Variants in CNGB1 observed in about 807,000 individuals in gnomAD.
The protein encoded by CNGB1 is cyclic nucleotide-gated channel beta-1.
A neutral mutation model predicts 151.7 loss-of-function variants in CNGB1; 126 were observed. The observed-to-expected ratio is 0.83, with a 90% CI of 0.72 to 0.96. CNGB1 has a LOEUF of 0.96. CNGB1 is among the 40% of genes least tolerant of loss of function. The probability of loss-of-function intolerance (pLI) is 0.00; values close to 1 mark genes in which losing one functional copy is unlikely to be tolerated. For missense variants in CNGB1, 1,698 were observed against 1,627.0 expected, an observed-to-expected ratio of 1.04 and a Z score of -0.75; for synonymous variants, 623 against 635.1, an observed-to-expected ratio of 0.98 and a Z score of 0.29.
At position 57,911,830 on chromosome 16, in the gene CNGB1, A is replaced by G. The variant is rs781140236; in HGVS notation, c.2415T>C (p.Asn805=). 8.7e-6 allele frequency: 14 copies of G among 1,614,050 alleles called. No homozygotes were observed. The East Asian group carries it at 2.9e-4, about 33-fold the overall frequency. ...CCGATGCCCAGTAATAAAGACAGGA[A>G]TTCAAATGCAGGCTGTAGAGAAGGT... is the stretch of plus-strand genomic sequence containing the variant. ...TAYLLYSLHL[N]SCLYYWASAY... is the part of the protein sequence containing the mutation. Residue 805 remains asparagine, a synonymous_variant, in exon 25 of 33, where the codon AAT becomes AAC. Coordinates refer to ENST00000251102, the MANE Select transcript of CNGB1 (RefSeq NM_001297.5).
chr16:57,947,579 A>G (rs535821593), intron 14 of CNGB1, among the ~76,000 whole-genome samples: 1 of 152,326 alleles, frequency 6.6e-6, no homozygotes, highest in Non-Finnish European at 1.5e-5. Flanking sequence ...GATGACATGG[A>G]CAGCCTTTGA....
Position 57,939,600 on chromosome 16 carries a change from G to T in CNGB1, c.1210-8C>A, listed in dbSNP as rs200729794. 6.2e-7 allele frequency: 1 copy of T among 1,614,126 alleles called. No homozygotes were observed. The highest frequency in any genetic ancestry group is 8.5e-7 in the Non-Finnish European group (1 of 1,180,022). The stretch of plus-strand genomic sequence containing the variant: ...AACTTCCTCCCACAGCTTCTGCAGA[G>T]AATAAAGTGAAAACAGAAACTGTGA... On this transcript the variant is annotated splice_region_variant and splice_polypyrimidine_tract_variant and intron_variant, in intron 15 of 32. Transcript: ENST00000251102.
chr16:57,906,584 C>T (rs1341873875), intron 25 of CNGB1, among the ~76,000 whole-genome samples: 1 of 152,182 alleles, frequency 6.6e-6, no homozygotes, highest in Non-Finnish European at 1.5e-5. Flanking sequence ...GTTTCAGAAC[C>T]CAAAACGGGC....
intron 29 of CNGB1, among the ~76,000 whole-genome samples, 184 bp downstream of exon 29, chr16:57,901,168 C>T (rs560954876): frequency 4.7e-4 from 72 of 152,178 alleles, no homozygotes; most frequent in African/African-American, 1.7e-3. Context: ...GTCGGCAAAG[C>T]CTCCTAATCC....
rs60099371 is a variant in CNGB1 at position 57,903,185 on chromosome 16, CTTTT to C, written c.2794+633_2794+636del. On this transcript the variant is annotated intron_variant, in intron 27 of 32. Transcript: ENST00000251102. Reference sequence around the variant, plus strand: ...AGGAAGGGACAGAAAGTCCTTCTTCCTTTTTTTTTTTTTTTTTTCAATTTAAACT... The same window carrying C: ...AGGAAGGGACAGAAAGTCCTTCTTCCTTTTTTTTTTTTTTCAATTTAAACT... Among the ~76,000 whole-genome samples, 618 of 122,680 alleles carry C rather than the reference CTTTT, an allele frequency of 5.0e-3. 4 individuals carry two copies. The highest frequency in any genetic ancestry group is 8.2e-3 in the Non-Finnish European group (474 of 57,850). 80.5% of individuals were successfully genotyped at this position (122,680 alleles called of 152,430 possible).
chr16:57,942,028 TGTTTGGTTTG>T (rs144771179), intron 14 of CNGB1, among the ~76,000 whole-genome samples: 3 of 151,944 alleles, frequency 2.0e-5, no homozygotes, highest in East Asian at 3.9e-4. Flanking sequence ...TTTTTGTTTT[TGTTTGGTTTG>T]GTTTGGTTTG....
chr16:57,917,407 A>C lies in CNGB1; in HGVS notation c.2027T>G (p.Val676Gly). The change falls in exon 21 of 33, where the codon GTG becomes GGG. Residue 676 changes from valine (V) to glycine (G), a missense_variant. Val to Gly is a moderately radical substitution (Grantham distance 109). Transcript: ENST00000251102. ...AWNWNCWLIPVRWAFPYQTPD... is the reference protein window; with the variant it reads ...AWNWNCWLIPGRWAFPYQTPD... ...GGTCTGGTAGGGGAAGGCCCAGCGC[A>C]CGGGAATCAGCCAACAGTTCCAATT... 6.2e-7 allele frequency: 1 copy of C among 1,614,140 alleles called. No homozygotes were observed. The highest frequency in any genetic ancestry group is 8.5e-7 in the Non-Finnish European group (1 of 1,180,020).
In CNGB1 at chr16:57,964,238, C is replaced by T. The variant is rs775048484; in HGVS notation, c.218-36G>A. 6 of 1,601,384 alleles carry T rather than the reference C, an allele frequency of 3.7e-6. No homozygotes were observed. In the Admixed American group the frequency reaches 1.0e-4, roughly 27 times the overall value. On this transcript the variant is annotated intron_variant, in intron 3 of 32. Transcript: ENST00000251102. The stretch of plus-strand genomic sequence containing the variant: ...ATCTCTCATCCTTCAGATCTAGGGC[C>T]TCAGACAGGCCCATTTCTACCCTGC...
intron 18 of CNGB1, among the ~76,000 whole-genome samples, chr16:57,922,005 C>A (rs1268168226): frequency 6.6e-6 from 1 of 152,142 alleles, no homozygotes; most frequent in Non-Finnish European, 1.5e-5. Flanking sequence ...TCTCATTATA[C>A]CTCATTTCTG....
chr16:57,917,801 T>TAA (rs11284883), intron 20 of CNGB1, among the ~76,000 whole-genome samples: 1 of 146,342 alleles, frequency 6.8e-6, no homozygotes, highest in Non-Finnish European at 1.5e-5. Flanking sequence ...CATCTCTACT[T>TAA]AAAAAAAAAA....
intron 2 of CNGB1, among the ~76,000 whole-genome samples, chr16:57,965,477 A>G (rs1962370979): frequency 6.6e-6 from 1 of 152,200 alleles, no homozygotes; most frequent in Admixed American, 6.5e-5. Flanking sequence ...AGGTGCAGAA[A>G]TATGAGTATA....
At chr16:57,891,753 C>T (rs1345601053) in intron 31 of CNGB1, among the ~76,000 whole-genome samples, 3 of 152,066 alleles carry the variant, frequency 2.0e-5, no homozygotes, top group African/African-American at 4.8e-5. Flanking sequence ...GATGGGGTTT[C>T]ACCATGTTGG....
intron 2 of CNGB1, 23 bp from the exon 3 acceptor site, chr16:57,964,567 T>TGTAAGTC: frequency 6.2e-7 from 1 of 1,613,942 alleles, no homozygotes; most frequent in Non-Finnish European, 8.5e-7. Context: ...AACAGGATCA[T>TGTAAGTC]GTAAGTCCTA....
At chr16:57,947,291 C>A (rs1259247949) in intron 14 of CNGB1, among the ~76,000 whole-genome samples, 1 of 152,154 alleles carries the variant, frequency 6.6e-6, no homozygotes, top group Non-Finnish European at 1.5e-5. Flanking sequence ...AGAGCAGTGG[C>A]AAATACAGGG....
At chr16:57,930,999 A>G (rs117641584) in intron 17 of CNGB1, among the ~76,000 whole-genome samples, 1,628 of 152,064 alleles carry the variant, frequency 0.011, 42 homozygotes, top group East Asian at 0.083. Flanking sequence ...AAAATTTAAG[A>G]GTTTTTTTTT....
intron 31 of CNGB1, 55 bp from the exon 32 acceptor site, chr16:57,888,129 G>A: frequency 6.4e-7 from 1 of 1,558,616 alleles, no homozygotes; most frequent in East Asian, 2.2e-5. Context: ...GGAAAAGAAA[G>A]ACTCGCTTCT....
intron 27 of CNGB1, among the ~76,000 whole-genome samples, chr16:57,902,492 G>C (rs768195661): frequency 1.5e-4 from 23 of 151,994 alleles, no homozygotes; most frequent in Non-Finnish European, 2.9e-4. Context: ...TTCTTTTAGA[G>C]ACAAGGTCTC....
intron 18 of CNGB1, 35 bp downstream of exon 18, chr16:57,923,234 GCAGT>G: frequency 1.6e-6 from 2 of 1,258,694 alleles, no homozygotes; most frequent in Non-Finnish European, 2.3e-6. Context: ...CACCCTCCCC[GCAGT>G]CTTTCAATTT....
At chr16:57,932,103 G>A (rs1172714211) in intron 16 of CNGB1, among the ~76,000 whole-genome samples, 1 of 152,142 alleles carries the variant, frequency 6.6e-6, no homozygotes, top group Non-Finnish European at 1.5e-5. Flanking sequence ...CACGAAAGAA[G>A]CCACAAAGCC....
Sources: gnomAD v4.1 joint callset for allele counts (sites outside exome capture counted in the v4.1 genomes callset) on GRCh38, gnomAD v4.1.1 for gene constraint, MANE v1.5 for transcripts, NCBI Gene and HGNC (gene_info 2026-07-23, HGNC 2026-07-21) for gene names.